Variants in F8 observed in about 807,000 individuals in gnomAD.
The protein encoded by F8 is coagulation factor VIII.
A neutral mutation model predicts 140.6 loss-of-function variants in F8; 12 were observed. That is an observed-to-expected ratio of 0.09 (90% CI 0.05 to 0.14). The LOEUF (loss-of-function observed/expected upper bound fraction) is 0.14. F8 is among the 10% of genes least tolerant of loss of function. The pLI is 1.00. For synonymous variants in F8, 585 were observed against 614.6 expected (o/e 0.95, Z 0.71); for missense variants, 1,354 against 1,720.7 (o/e 0.79, Z 3.77).
chrX:154,996,097 GCCACT>G (rs1335078388), intron 3 of F8, among the ~76,000 whole-genome samples: 1 of 111,833 alleles, frequency 8.9e-6, no homozygotes, highest in Non-Finnish European at 1.9e-5. Context: ...AATTGCATTG[GCCACT>G]CGTTTCTCCA....
intron 2 of F8, among the ~76,000 whole-genome samples, chrX:154,998,079 C>G (rs1279863999): frequency 1.8e-5 from 2 of 112,541 alleles, no homozygotes; most frequent in Non-Finnish European, 3.8e-5. Context: ...CTTTTAATTA[C>G]TTTATGTGAG....
rs2072692397 is a variant in F8 at position 154,861,714 on chromosome X, T to C, written c.6723+4A>G. On this transcript the variant is annotated splice_donor_region_variant and intron_variant, in intron 24 of 25. Transcript: ENST00000360256. ...AGTTAAACAGTAAATCTGTTGCCTC[T>C]TACCTGAGGTCTCCAGGCATTACTC... The C allele has an allele frequency of 1.7e-6, 2 of 1,209,567 alleles. No individual in the cohort carries two copies. Among genetic ancestry groups the C allele is most frequent in the Non-Finnish European group, 2.2e-6 (2 of 894,905 alleles).
chrX:154,902,772 C>A (rs2073016522), intron 18 of F8, among the ~76,000 whole-genome samples: 1 of 112,261 alleles, frequency 8.9e-6, no homozygotes. Context: ...CAGTGTTAAG[C>A]TAGTTTACAA....
intron 4 of F8, 64 bp downstream of exon 4, chrX:154,992,872 A>G: frequency 9.7e-7 from 1 of 1,031,007 alleles, no homozygotes; most frequent in African/African-American, 1.8e-5. Flanking sequence ...ACTGTTATAG[A>G]TAGATTCAGT....
chrX:154,984,934 C>T (rs2073551051), intron 5 of F8, 131 bp from the exon 6 acceptor site: 1 of 546,651 alleles, frequency 1.8e-6, no homozygotes, highest in Non-Finnish European at 3.3e-6. Context: ...AGGCACACAG[C>T]ACTTATCCTC....
intron 7 of F8, 66 bp downstream of exon 7, chrX:154,969,265 C>T: frequency 1.0e-6 from 1 of 992,192 alleles, no homozygotes; most frequent in Admixed American, 2.2e-5. Context: ...GTACATTGTC[C>T]AGTAAATTTT....
At chrX:154,995,384 C>A (rs954681742) in intron 3 of F8, among the ~76,000 whole-genome samples, 3 of 111,587 alleles carry the variant, frequency 2.7e-5, no homozygotes, top group Admixed American at 9.5e-5. Context: ...AGGTGAGATA[C>A]CATTCAGTGT....
At chrX:154,843,042 C>T (rs1557271440) in intron 25 of F8, among the ~76,000 whole-genome samples, 2 of 111,447 alleles carry the variant, frequency 1.8e-5, no homozygotes, top group Non-Finnish European at 3.8e-5. Flanking sequence ...TGAGAACATG[C>T]GGTGTTTGGT....
chrX:154,894,494 G>A (rs184071896), intron 22 of F8, among the ~76,000 whole-genome samples: 80 of 110,962 alleles, frequency 7.2e-4, no homozygotes, highest in African/African-American at 2.6e-3. Context: ...TGAGGTGGGC[G>A]GATCACCTGA....
intron 9 of F8, among the ~76,000 whole-genome samples, chrX:154,962,462 A>G (rs2073399791): frequency 8.9e-6 from 1 of 112,446 alleles, no homozygotes; most frequent in Non-Finnish European, 1.9e-5. Context: ...TAATAGAGAA[A>G]GAGACAGTGT....
rs781931647 is a variant in F8, at chrX:154,869,832, A to G, written c.6430-6605T>C. Among the ~76,000 whole-genome samples, 409 of 107,520 alleles carry G rather than the reference A, an allele frequency of 3.8e-3. 2 individuals carry two copies. The highest frequency in any genetic ancestry group is 5.9e-3 in the Non-Finnish European group (305 of 51,688). The allele number at this position is 107,520 out of a possible 115,157, so 93.4% of individuals were successfully genotyped here. A position where few individuals can be genotyped will look rare whatever the true frequency, so the allele number is the denominator to read the frequency against. Reference sequence around the variant, plus strand: ...ATAAAGAGGAAAAGAGAGAAGAATCAAATAGATGCAATAAAAAATGATATT... The same window carrying G: ...ATAAAGAGGAAAAGAGAGAAGAATCGAATAGATGCAATAAAAAATGATATT... On this transcript the variant is annotated intron_variant, in intron 22 of 25. Transcript: ENST00000360256.
intron 14 of F8, among the ~76,000 whole-genome samples, chrX:154,923,406 C>T (rs781794705): frequency 4.4e-4 from 49 of 111,760 alleles, no homozygotes; most frequent in Non-Finnish European, 5.5e-4. Flanking sequence ...CAAGAGGATC[C>T]CCACCCAAAT....
At chrX:154,940,269 A>C (rs1048378214) in intron 13 of F8, among the ~76,000 whole-genome samples, 2 of 111,787 alleles carry the variant, frequency 1.8e-5, no homozygotes, top group African/African-American at 6.5e-5. Flanking sequence ...AACTTTGAAA[A>C]AAAATTAGAC....
chrX:154,940,456 G>A (rs911201454), intron 13 of F8, among the ~76,000 whole-genome samples: 1 of 111,770 alleles, frequency 8.9e-6, no homozygotes, highest in Non-Finnish European at 1.9e-5. Context: ...GTGAAGATAA[G>A]TTTAGAGAAA....
rs1557276174 is a variant in F8 at position 154,904,512 on chromosome X, G to A, written c.5599C>T (p.His1867Tyr). Reference protein sequence around the residue: ...FSDVDLEKDVHSGLIGPLLVC... With the variant: ...FSDVDLEKDVYSGLIGPLLVC... Reference sequence around the variant, plus strand: ...AGAAGGGGTCCAATCAGGCCTGAGTGCACATCTTTTTCCTAGGGAGGGAAG... The same window carrying A: ...AGAAGGGGTCCAATCAGGCCTGAGTACACATCTTTTTCCTAGGGAGGGAAG... The change falls in exon 17 of 26, where the codon CAC (histidine) becomes TAC (tyrosine). Residue 1867 changes from histidine (H) to tyrosine (Y), a missense_variant. Physicochemically the swap from His to Tyr is moderately conservative, Grantham distance 83 (BLOSUM62 2). Transcript: ENST00000360256. 1.6e-5 allele frequency: 19 copies of A among 1,204,604 alleles called. No individual in the cohort carries two copies. Among genetic ancestry groups the A allele is most frequent in the Non-Finnish European group, 2.1e-5 (19 of 890,671 alleles).
chrX:154,977,228 T>A (rs1489356129), intron 6 of F8: 1 of 112,091 alleles, frequency 8.9e-6, no homozygotes, highest in Admixed American at 9.5e-5. Flanking sequence ...TATTGCTTAT[T>A]CTTTAACAGG....
chrX:154,868,823 A>G (rs1263251051), intron 22 of F8, among the ~76,000 whole-genome samples: 1 of 110,945 alleles, frequency 9.0e-6, no homozygotes, highest in African/African-American at 3.3e-5. Context: ...AAAGACACAC[A>G]TAGGCTCAAA....
chrX:154,962,488 C>A (rs1557281657), intron 9 of F8, among the ~76,000 whole-genome samples: 1 of 111,980 alleles, frequency 8.9e-6, no homozygotes, highest in East Asian at 2.8e-4. Context: ...GAGATAAAAT[C>A]TTCAGTGCAT....
chrX:154,840,035 G>C (rs1557271260), intron 25 of F8, among the ~76,000 whole-genome samples: 2 of 111,544 alleles, frequency 1.8e-5, no homozygotes, highest in Non-Finnish European at 3.8e-5. Context: ...TTAAATCAGG[G>C]GGCATGCGAT....
Sources: gnomAD v4.1 joint callset for allele counts (sites outside exome capture counted in the v4.1 genomes callset) on GRCh38, gnomAD v4.1.1 for gene constraint, MANE v1.5 for transcripts, NCBI Gene and HGNC (gene_info 2026-07-23, HGNC 2026-07-21) for gene names.